The following MDH1B variants were observed in gnomAD, a reference collection of about 807,000 sequenced individuals.
The protein encoded by MDH1B is putative malate dehydrogenase 1B.
In MDH1B, 60 loss-of-function variants were observed where a neutral mutation model predicts 61.4. The ratio of observed to expected loss-of-function variants is 0.98; its 90% CI spans 0.79 to 1.21. The LOEUF (loss-of-function observed/expected upper bound fraction) is 1.21, where lower values mean the gene tolerates loss of function less well. MDH1B is among the 50% of genes most tolerant of loss of function. The probability of loss-of-function intolerance (pLI) is 0.00; values close to 1 mark genes in which losing one functional copy is unlikely to be tolerated. For synonymous variants in MDH1B, 236 were observed against 218.7 expected (o/e 1.08, Z -0.70); for missense variants, 587 against 632.1 (o/e 0.93, Z 0.76).
chr2:206,756,853 A>G (rs1213363098), intron 4 of MDH1B, 45 bp downstream of exon 4: 1 of 1,600,998 alleles, frequency 6.2e-7, no homozygotes, highest in Non-Finnish European at 8.5e-7. Flanking sequence ...TCCTTTCTAA[A>G]TATAAAAAGT....
intron 9 of MDH1B, among the ~76,000 whole-genome samples, chr2:206,744,402 C>T (rs767846501): frequency 4.6e-5 from 7 of 152,194 alleles, no homozygotes; most frequent in Non-Finnish European, 8.8e-5. Flanking sequence ...CTCCAAAAGA[C>T]ACTTGACTAA....
At chr2:206,749,986 T>A (rs1194897351) in intron 6 of MDH1B, among the ~76,000 whole-genome samples, 1 of 152,166 alleles carries the variant, frequency 6.6e-6, no homozygotes, top group Non-Finnish European at 1.5e-5. Context: ...TAGCTTCTGC[T>A]AACCCTGCAC....
intron 7 of MDH1B, 111 bp downstream of exon 7, chr2:206,748,909 G>A (rs1688274900): frequency 4.9e-6 from 4 of 824,224 alleles, no homozygotes; most frequent in Non-Finnish European, 7.6e-6. Flanking sequence ...TAAAAGTCCA[G>A]GCAGCTAATG....
intron 11 of MDH1B, among the ~76,000 whole-genome samples, chr2:206,739,315 C>G (rs539830672): frequency 4.0e-5 from 6 of 151,856 alleles, no homozygotes; most frequent in African/African-American, 1.4e-4. Context: ...ACTTCAGGGG[C>G]TGAGTTGGGA....
At position 206,738,393 on chromosome 2, in the gene MDH1B, T is replaced by C; in HGVS notation, c.*90A>G. 1 of 1,012,938 alleles carries C rather than the reference T, an allele frequency of 9.9e-7. No homozygotes were observed. The highest frequency in any genetic ancestry group is 2.7e-5 in the East Asian group (1 of 37,416). 62.7% of individuals were successfully genotyped at this position (1,012,938 alleles called of 1,614,324 possible). A position where few individuals can be genotyped will look rare whatever the true frequency, so the allele number is the denominator to read the frequency against. ...CTAAGACTGACATAAATCTTTCAAA[T>C]TATTCTTCCTTAAATATAGACATTC... On this transcript the variant is annotated 3_prime_UTR_variant, in exon 12 of 12. Coordinates refer to ENST00000374412, the MANE Select transcript of MDH1B (RefSeq NM_001039845.3).
At chr2:206,746,552 T>G in intron 7 of MDH1B, 126 bp from the exon 8 acceptor site, 1 of 1,036,136 alleles carries the variant, frequency 9.7e-7, no homozygotes, top group Non-Finnish European at 1.3e-6. Context: ...GGAATTAAAT[T>G]TCTCGGAATT....
intron 5 of MDH1B, among the ~76,000 whole-genome samples, chr2:206,752,196 A>G (rs1688489309): frequency 6.6e-6 from 1 of 152,176 alleles, no homozygotes; most frequent in South Asian, 2.1e-4. Flanking sequence ...AGGGCAGGCA[A>G]TAGGGAAAAG....
At chr2:206,745,727 C>CTTATTT in intron 8 of MDH1B, 54 bp from the exon 9 acceptor site, 2 of 786,088 alleles carry the variant, frequency 2.5e-6, no homozygotes, top group Non-Finnish European at 3.9e-6. Context: ...TAACTTAATT[C>CTTATTT]TTCTTTTTTT....
Position 206,741,090 on chromosome 2 carries a change from C to T in MDH1B, c.1423G>A (p.Val475Ile). Residue 475 changes from valine (V) to isoleucine (I), a missense_variant, in exon 10 of 12, where the codon GTC becomes ATC. Physicochemically the swap from Val to Ile is conservative, Grantham distance 29. Transcript: ENST00000374412. ...QPYQSGHKDL[V>I]PDEEKNLAMS... Reference sequence around the variant, plus strand: ...GCTAGATTTTTTTCTTCATCAGGGACCAGATCTTTATGTCCTGAAATCAAA... The same window carrying T: ...GCTAGATTTTTTTCTTCATCAGGGATCAGATCTTTATGTCCTGAAATCAAA... 1 of 1,612,488 alleles carries T rather than the reference C, an allele frequency of 6.2e-7. No homozygotes were observed. Among genetic ancestry groups the T allele is most frequent in the Non-Finnish European group, 8.5e-7 (1 of 1,179,014 alleles).
At chr2:206,743,911 A>G (rs904768012) in intron 9 of MDH1B, among the ~76,000 whole-genome samples, 1 of 152,166 alleles carries the variant, frequency 6.6e-6, no homozygotes, top group African/African-American at 2.4e-5. Context: ...TCAAATTTCT[A>G]CTGCCTCTGG....
At chr2:206,741,181 G>C in intron 9 of MDH1B, 77 bp from the exon 10 acceptor site, 1 of 1,584,176 alleles carries the variant, frequency 6.3e-7, no homozygotes, top group Non-Finnish European at 8.6e-7. Context: ...GATGTTCTGA[G>C]TCAATGTTTT....
rs777433663 is a variant in MDH1B at position 206,749,144 on chromosome 2, GT to G, written c.1091del (p.Asn364ThrfsTer2). ...VKREFVAILK[N>X]LTTTGRQFGG... Reference sequence around the variant, plus strand: ...CAAATTGTCTTCCTGTGGTGGTCAAGTTTTTAAGAATTGCCACAAATTCTCT... The same window carrying G: ...CAAATTGTCTTCCTGTGGTGGTCAAGTTTTAAGAATTGCCACAAATTCTCT... On this transcript the variant is annotated frameshift_variant, in exon 7 of 12. Transcript: ENST00000374412. LOFTEE classifies it high-confidence loss of function. 19 of 1,613,974 alleles carry G rather than the reference GT, an allele frequency of 1.2e-5. No individual in the cohort carries two copies. Among genetic ancestry groups the G allele is most frequent in the Non-Finnish European group, 1.5e-5 (18 of 1,179,994 alleles).
intron 1 of MDH1B, among the ~76,000 whole-genome samples, chr2:206,764,323 A>T (rs956331783): frequency 6.6e-6 from 1 of 151,708 alleles, no homozygotes; most frequent in East Asian, 1.9e-4. Context: ...TCTCCTGTGG[A>T]TGGTAGATGT....
At chr2:206,761,074 A>C in intron 1 of MDH1B, 61 bp from the exon 2 acceptor site, 2 of 894,056 alleles carry the variant, frequency 2.2e-6, no homozygotes, top group Non-Finnish European at 1.8e-6. Flanking sequence ...ATGTAGTTCT[A>C]AGTATTTGCT....
At chr2:206,760,864 G>A (rs745418316) in intron 2 of MDH1B, 37 bp downstream of exon 2, 18 of 1,152,466 alleles carry the variant, frequency 1.6e-5, no homozygotes, top group South Asian at 1.5e-4. Flanking sequence ...CACATTTTGT[G>A]CATGAGTGAG....
In MDH1B at chr2:206,746,432, G is replaced by A; in HGVS notation, c.1217-6C>T. The A allele has an allele frequency of 6.2e-7, 1 of 1,607,678 alleles. No individual in the cohort carries two copies. Among genetic ancestry groups the A allele is most frequent in the Admixed American group, 1.7e-5 (1 of 58,844 alleles). ...TTTCGGAATACCAAACTGGCCTGCA[G>A]TGAGCAAACACAAAGCAAAGCAATG... On this transcript the variant is annotated splice_polypyrimidine_tract_variant and splice_region_variant and intron_variant, in intron 7 of 11. Transcript: ENST00000374412.
intron 10 of MDH1B, among the ~76,000 whole-genome samples, chr2:206,740,450 G>A (rs373920510): frequency 1.3e-5 from 2 of 152,122 alleles, no homozygotes; most frequent in African/African-American, 4.8e-5. Flanking sequence ...AGGCTGGGGA[G>A]GAGCAGGAGG....
At chr2:206,750,535 C>T (rs545104367) in intron 6 of MDH1B, among the ~76,000 whole-genome samples, 5 of 151,730 alleles carry the variant, frequency 3.3e-5, no homozygotes, top group Non-Finnish European at 7.4e-5. Flanking sequence ...CCTCTTGCTT[C>T]GGCCTCCTGC....
Position 206,749,111 on chromosome 2 carries a change from A to G in MDH1B, c.1125T>C (p.Ile375=). The part of the protein sequence containing the change: ...LTTTGRQFGG[I]LAAHSIATTL... ...TAGTGGCTATACTGTGTGCAGCCAAAATGCCTCCAAATTGTCTTCCTGTGG... is the reference window on the plus strand; with the variant it reads ...TAGTGGCTATACTGTGTGCAGCCAAGATGCCTCCAAATTGTCTTCCTGTGG... The change falls in exon 7 of 12, where the codon ATT becomes ATC. Residue 375 remains isoleucine, a synonymous_variant. Coordinates refer to ENST00000374412, the MANE Select transcript of MDH1B (RefSeq NM_001039845.3). The G allele has an allele frequency of 6.2e-7, 1 of 1,614,116 alleles. No homozygotes were observed. The highest frequency in any genetic ancestry group is 8.5e-7 in the Non-Finnish European group (1 of 1,179,976).
Sources: allele counts gnomAD v4.1 joint callset (sites outside exome capture counted in the v4.1 genomes callset), GRCh38; gene constraint gnomAD v4.1.1; transcripts MANE v1.5; gene names NCBI Gene and HGNC (gene_info 2026-07-23, HGNC 2026-07-21).